CCDC179: variants seen among roughly 807,000 people sequenced by gnomAD.
CCDC179 encodes the protein coiled-coil domain containing 179, also known as coiled-coil domain-containing protein 179.
A neutral mutation model predicts 12.0 loss-of-function variants in CCDC179; 17 were observed. The ratio of observed to expected loss-of-function variants is 1.42; its 90% CI spans 0.97 to 2.13. CCDC179 has a LOEUF of 2.13. Ranked by LOEUF, CCDC179 falls within the 30% of genes most tolerant of loss-of-function variation. The pLI is 0.00. For missense variants in CCDC179, 83 were observed against 78.6 expected, an observed-to-expected ratio of 1.06 and a Z score of -0.21; for synonymous variants, 27 against 26.4, an observed-to-expected ratio of 1.02 and a Z score of -0.07.
chr11:22,850,203 G>C (rs1858339439), intron 3 of CCDC179, among the ~76,000 whole-genome samples: 1 of 152,190 alleles, frequency 6.6e-6, no homozygotes, highest in African/African-American at 2.4e-5. Flanking sequence ...TATGTCTGCA[G>C]CTCGATTTTA....
chr11:22,858,018 A>G lies in CCDC179; in HGVS notation c.99T>C (p.Asn33=), dbSNP rs1858567585. Residue 33 remains asparagine, a synonymous_variant, in exon 3 of 4, where the codon AAT becomes AAC. Coordinates refer to ENST00000532798, the MANE Select transcript of CCDC179 (RefSeq NM_001195637.2). ...GGTGTTGCATATTCTGAATACGTTT[A>G]TTTGCAAGCTTTAGAAAAATTAAAA... The part of the protein sequence containing the change: ...PSEVTERQLA[N]KRIQNMQHLK... The G allele has an allele frequency of 6.7e-7, 1 of 1,499,818 alleles. No individual in the cohort carries two copies. 92.9% of individuals were successfully genotyped at this position (1,499,818 alleles called of 1,614,324 possible).
At chr11:22,859,748 A>T (rs1359536161) in intron 1 of CCDC179, among the ~76,000 whole-genome samples, 1 of 152,218 alleles carries the variant, frequency 6.6e-6, no homozygotes, top group Non-Finnish European at 1.5e-5. Flanking sequence ...ACCACCTTAC[A>T]GATAAAAGGC....
intron 3 of CCDC179, among the ~76,000 whole-genome samples, chr11:22,851,367 T>A (rs1858400762): frequency 6.6e-6 from 1 of 152,072 alleles, no homozygotes; most frequent in East Asian, 1.9e-4. Context: ...TACAGAAAGA[T>A]AATCCTCACA....
chr11:22,850,802 G>A (rs1370640513), intron 3 of CCDC179, among the ~76,000 whole-genome samples: 3 of 150,980 alleles, frequency 2.0e-5, no homozygotes, highest in Admixed American at 6.6e-5. Context: ...AAGAGGTACA[G>A]GGTTCAGAAA....
intron 3 of CCDC179, among the ~76,000 whole-genome samples, chr11:22,853,225 A>G (rs1858453575): frequency 6.6e-6 from 1 of 152,212 alleles, no homozygotes; most frequent in Non-Finnish European, 1.5e-5. Context: ...ATAAAGAACT[A>G]CAAGACACAC....
At chr11:22,854,114 A>C (rs1006513986) in intron 3 of CCDC179, among the ~76,000 whole-genome samples, 4 of 151,840 alleles carry the variant, frequency 2.6e-5, no homozygotes, top group Non-Finnish European at 4.4e-5. Flanking sequence ...ATCCTTCCAA[A>C]GTGAAAGAGA....
chr11:22,859,492 C>T lies in CCDC179; in HGVS notation c.50G>A (p.Gly17Glu), dbSNP rs1858612321. ...CTCTGAAGGATGATGTTGTCTTGGT[C>T]CTTCCTATATAATAAACAAAATTAA... ...DIEPSQVNPEGPRQHHPSEVT... is the reference protein window; with the variant it reads ...DIEPSQVNPEEPRQHHPSEVT... Residue 17 changes from glycine to glutamate, a missense_variant, in exon 2 of 4, where the codon GGA becomes GAA. Physicochemically the swap from Gly to Glu is moderately conservative, Grantham distance 98. Coordinates refer to ENST00000532798, the MANE Select transcript of CCDC179 (RefSeq NM_001195637.2). 6.7e-7 allele frequency: 1 copy of T among 1,490,868 alleles called. No homozygotes were observed. Among genetic ancestry groups the T allele is most frequent in the African/African-American group, 1.4e-5 (1 of 72,442 alleles). The allele number at this position is 1,490,868 out of a possible 1,614,324, so 92.4% of individuals were successfully genotyped here.
intron 3 of CCDC179, among the ~76,000 whole-genome samples, chr11:22,852,988 A>G (rs1172151469): frequency 6.6e-6 from 1 of 152,210 alleles, no homozygotes; most frequent in Non-Finnish European, 1.5e-5. Context: ...AGAGGATTCC[A>G]GCTTTAAAAA....
chr11:22,859,483 T>C lies in CCDC179; in HGVS notation c.59A>G (p.Gln20Arg). ...PSQVNPEGPR[Q>R]HHPSEVTERQ... ...CTCAGTGACCTCTGAAGGATGATGTTGTCTTGGTCCTTCCTATATAATAAA... is the reference window on the plus strand; with the variant it reads ...CTCAGTGACCTCTGAAGGATGATGTCGTCTTGGTCCTTCCTATATAATAAA... Residue 20 changes from glutamine to arginine, a missense_variant, in exon 2 of 4, where the codon CAA becomes CGA. By Grantham distance (43) the Gln-to-Arg change is conservative (BLOSUM62 1). Transcript: ENST00000532798. The C allele has an allele frequency of 6.7e-7, 1 of 1,500,370 alleles. No homozygotes were observed. The highest frequency in any genetic ancestry group is 8.9e-7 in the Non-Finnish European group (1 of 1,126,960). The allele number at this position is 1,500,370 out of a possible 1,614,324, so 92.9% of individuals were successfully genotyped here.
At chr11:22,852,579 C>A (rs1858433438) in intron 3 of CCDC179, among the ~76,000 whole-genome samples, 1 of 152,200 alleles carries the variant, frequency 6.6e-6, no homozygotes, top group South Asian at 2.1e-4. Context: ...CTTAGCTCAA[C>A]TAGTCCTGTG....
At chr11:22,853,375 G>A (rs1312623143) in intron 3 of CCDC179, among the ~76,000 whole-genome samples, 2 of 152,036 alleles carry the variant, frequency 1.3e-5, no homozygotes, top group East Asian at 3.9e-4. Context: ...AGAAGAAGTG[G>A]ACATGATGCA....
chr11:22,856,981 A>T lies in CCDC179; in HGVS notation c.195+941T>A, dbSNP rs180936637. Among the ~76,000 whole-genome samples the T allele has an allele frequency of 1.8e-3, 277 of 151,782 alleles. 1 individual carries two copies. The highest frequency in any genetic ancestry group is 6.2e-3 in the African/African-American group (257 of 41,540). The stretch of plus-strand genomic sequence containing the variant: ...ATAAATCCAAGAAAATATGTATAAA[A>T]TCTGGATGAGGAAAATTATAAAACT... On this transcript the variant is annotated intron_variant, in intron 3 of 3. Coordinates refer to ENST00000532798, the MANE Select transcript of CCDC179 (RefSeq NM_001195637.2).
At chr11:22,848,027 A>G (rs1858267497) in intron 3 of CCDC179, among the ~76,000 whole-genome samples, 1 of 152,228 alleles carries the variant, frequency 6.6e-6, no homozygotes, top group South Asian at 2.1e-4. Flanking sequence ...ATAAAAGACA[A>G]GAAAAATGAA....
chr11:22,847,044 CA>C lies in CCDC179; in HGVS notation c.*465del. The C allele has an allele frequency of 6.6e-6, 1 of 152,006 alleles. No individual in the cohort carries two copies. Among genetic ancestry groups the C allele is most frequent in the Non-Finnish European group, 1.5e-5 (1 of 68,020 alleles). 9.4% of individuals were successfully genotyped at this position (152,006 alleles called of 1,614,324 possible). ...CTATGGCTTATCTGCAATAGCAACA[CA>C]AAATACAGGAGTTAGTTATAATAAC... On this transcript the variant is annotated 3_prime_UTR_variant, in exon 4 of 4. Coordinates refer to ENST00000532798, the MANE Select transcript of CCDC179 (RefSeq NM_001195637.2).
chr11:22,860,344 C>G, intron 1 of CCDC179, 33 bp downstream of exon 1: 1 of 1,533,938 alleles, frequency 6.5e-7, no homozygotes, highest in Non-Finnish European at 8.7e-7. Context: ...GACAGAGTGG[C>G]AGAGTTGAGG....
intron 2 of CCDC179, 23 bp from the exon 3 acceptor site, chr11:22,858,049 GA>G (rs1179068377): frequency 1.4e-6 from 2 of 1,397,176 alleles, no homozygotes; most frequent in South Asian, 2.7e-5. Flanking sequence ...TAAAATGAAA[GA>G]AAAATCATAC....
chr11:22,852,012 A>G (rs1032881038), intron 3 of CCDC179, among the ~76,000 whole-genome samples: 1 of 152,218 alleles, frequency 6.6e-6, no homozygotes, highest in Non-Finnish European at 1.5e-5. Context: ...CATGCTCTCA[A>G]GAGAAACTAT....
chr11:22,854,928 GACAA>G (rs1034797905), intron 3 of CCDC179, among the ~76,000 whole-genome samples: 4 of 151,666 alleles, frequency 2.6e-5, no homozygotes, highest in African/African-American at 9.7e-5. Context: ...ATTAATTTCA[GACAA>G]ACAAGACTTT....
intron 3 of CCDC179, among the ~76,000 whole-genome samples, chr11:22,853,828 C>G (rs1183051078): frequency 6.6e-6 from 1 of 151,906 alleles, no homozygotes; most frequent in Non-Finnish European, 1.5e-5. Flanking sequence ...ACCACAGATT[C>G]AGAAAATTCA....
Sources: gnomAD v4.1 joint callset for allele counts (sites outside exome capture counted in the v4.1 genomes callset) on GRCh38, gnomAD v4.1.1 for gene constraint, MANE v1.5 for transcripts, NCBI Gene and HGNC (gene_info 2026-07-23, HGNC 2026-07-21) for gene names.